RNF180: variants seen among roughly 807,000 people sequenced by gnomAD.
RNF180 encodes E3 ubiquitin-protein ligase RNF180.
RNF180 carries 38 observed loss-of-function variants against 59.2 expected under a neutral mutation model. The ratio of observed to expected loss-of-function variants is 0.64; its 90% CI spans 0.50 to 0.84. The LOEUF (loss-of-function observed/expected upper bound fraction) is 0.84, where lower values mean the gene tolerates loss of function less well. Among genes scored for constraint, RNF180 ranks in the 40% least tolerant of loss-of-function variants. The pLI, the probability that RNF180 is intolerant of heterozygous loss-of-function variation, is 0.00. For synonymous variants in RNF180, 262 were observed against 240.3 expected (o/e 1.09, Z -0.84); for missense variants, 705 against 700.9 (o/e 1.01, Z -0.07).
At chr5:64,246,628 C>T (rs576364099) in intron 5 of RNF180, among the ~76,000 whole-genome samples, 1 of 152,170 alleles carries the variant, frequency 6.6e-6, no homozygotes, top group East Asian at 1.9e-4. Context: ...AATAGCCTAC[C>T]AACCAAAAAA....
In RNF180 at chr5:64,214,231, C is replaced by T; in HGVS notation, c.905C>T (p.Thr302Ile). ...LQRFSVAPHE[T>I]QTQRGGEFQC... ...AGATTTTCAGTGGCCCCCCATGAGACCCAGACACAAAGAGGAGGAGAATTT... is the reference window on the plus strand; with the variant it reads ...AGATTTTCAGTGGCCCCCCATGAGATCCAGACACAAAGAGGAGGAGAATTT... The change falls in exon 4 of 8, where the codon ACC becomes ATC. Residue 302 changes from threonine to isoleucine, a missense_variant. Physicochemically the swap from Thr to Ile is moderately conservative, Grantham distance 89. Transcript: ENST00000389100. 5 of 1,614,008 alleles carry T rather than the reference C, an allele frequency of 3.1e-6. No individual in the cohort carries two copies. The highest frequency in any genetic ancestry group is 1.6e-4 in the Middle Eastern group (1 of 6,062).
At chr5:64,361,884 C>G (rs1235439643) in intron 7 of RNF180, among the ~76,000 whole-genome samples, 6 of 151,008 alleles carry the variant, frequency 4.0e-5, no homozygotes. Flanking sequence ...GTCTCCTGTA[C>G]CATGCATTTT....
chr5:64,195,329 T>G (rs1483822666), intron 1 of RNF180, among the ~76,000 whole-genome samples: 1 of 152,202 alleles, frequency 6.6e-6, no homozygotes, highest in East Asian at 1.9e-4. Context: ...TAGGAAAGTT[T>G]TATATACCAA....
chr5:64,328,480 TTGAAA>T (rs1283121166), intron 6 of RNF180, among the ~76,000 whole-genome samples: 2 of 152,184 alleles, frequency 1.3e-5, no homozygotes, highest in Non-Finnish European at 2.9e-5. Flanking sequence ...AATATCTAAC[TTGAAA>T]TGATTAACTT....
chr5:64,192,903 G>GTGTATATATATATATATATATATA (rs1486448173), intron 1 of RNF180, among the ~76,000 whole-genome samples: 3 of 93,886 alleles, frequency 3.2e-5, no homozygotes, highest in African/African-American at 1.2e-4. Context: ...AGTGTGGCAT[G>GTGTATATATATATATATATATATA]TATATATATA....
intron 5 of RNF180, among the ~76,000 whole-genome samples, chr5:64,324,279 G>A (rs1244958557): frequency 1.3e-5 from 2 of 152,140 alleles, no homozygotes; most frequent in Non-Finnish European, 2.9e-5. Flanking sequence ...AGGCCTGGAT[G>A]GGACACCATC....
In RNF180 at chr5:64,212,129, T is replaced by C; in HGVS notation, c.200T>C (p.Leu67Pro). The C allele has an allele frequency of 6.2e-7, 1 of 1,604,040 alleles. No individual in the cohort carries two copies. The highest frequency in any genetic ancestry group is 1.1e-5 in the South Asian group (1 of 90,876). ...CHVWHMNVEA[L>P]PEWISCLIQK... ...GTGTGGCACATGAATGTAGAAGCCC[T>C]TCCAGAATGGATAAGCTGCCTAATC... The change falls in exon 3 of 8, where the codon CTT becomes CCT. Residue 67 changes from leucine to proline, a missense_variant. Transcript: ENST00000389100.
At chr5:64,172,019 T>C (rs1199235521) in intron 1 of RNF180, among the ~76,000 whole-genome samples, 1 of 152,234 alleles carries the variant, frequency 6.6e-6, no homozygotes, top group African/African-American at 2.4e-5. Flanking sequence ...CAGTTCTCTT[T>C]GTTTGAGCTT....
intron 5 of RNF180, among the ~76,000 whole-genome samples, chr5:64,274,676 G>A (rs1466033012): frequency 6.6e-6 from 1 of 151,898 alleles, no homozygotes; most frequent in East Asian, 1.9e-4. Context: ...CACAAATCGT[G>A]CAGATTTGGA....
chr5:64,249,530 C>T (rs1444979134), intron 5 of RNF180, among the ~76,000 whole-genome samples: 1 of 151,240 alleles, frequency 6.6e-6, no homozygotes, highest in Non-Finnish European at 1.5e-5. Context: ...GAATTACCAT[C>T]AAATCTGCCT....
At chr5:64,174,715 A>T (rs1750133581) in intron 1 of RNF180, among the ~76,000 whole-genome samples, 1 of 152,114 alleles carries the variant, frequency 6.6e-6, no homozygotes, top group African/African-American at 2.4e-5. Context: ...ACTCAGATGC[A>T]TAGTTTGCGA....
intron 5 of RNF180, among the ~76,000 whole-genome samples, chr5:64,268,374 T>C (rs1321702876): frequency 6.6e-6 from 1 of 152,074 alleles, no homozygotes; most frequent in Non-Finnish European, 1.5e-5. Context: ...TCTTTTCTCC[T>C]TTTTTTAGTG....
chr5:64,172,725 C>T (rs1750007442), intron 1 of RNF180, among the ~76,000 whole-genome samples: 2 of 152,122 alleles, frequency 1.3e-5, no homozygotes, highest in South Asian at 2.1e-4. Flanking sequence ...AGAGGTCCTC[C>T]GTGTATTGCA....
At chr5:64,166,412 G>A (rs972686724) in intron 1 of RNF180, among the ~76,000 whole-genome samples, 15 of 152,208 alleles carry the variant, frequency 9.9e-5, no homozygotes, top group Non-Finnish European at 1.9e-4. Flanking sequence ...CCTCTGCACG[G>A]TTCCACTTTC....
chr5:64,278,086 G>T (rs1159761015), intron 5 of RNF180, among the ~76,000 whole-genome samples: 1 of 152,124 alleles, frequency 6.6e-6, no homozygotes, highest in Non-Finnish European at 1.5e-5. Flanking sequence ...GAAAATAAAT[G>T]TCTAATTTAG....
At chr5:64,215,145 G>A (rs1024263304) in intron 4 of RNF180, among the ~76,000 whole-genome samples, 2 of 152,102 alleles carry the variant, frequency 1.3e-5, no homozygotes, top group South Asian at 2.1e-4. Flanking sequence ...TAGGATGTGC[G>A]AAGGAACTGA....
chr5:64,329,457 CTTTTTTTTTT>C (rs558648872), intron 6 of RNF180, among the ~76,000 whole-genome samples: 2 of 135,664 alleles, frequency 1.5e-5, no homozygotes, highest in South Asian at 2.4e-4. Context: ...CTTTTTTTTT[CTTTTTTTTTT>C]TTTTTCCCAA....
intron 2 of RNF180, among the ~76,000 whole-genome samples, chr5:64,211,406 C>G (rs1365573731): frequency 6.6e-6 from 1 of 152,040 alleles, no homozygotes; most frequent in Non-Finnish European, 1.5e-5. Context: ...TCTTCCTTGG[C>G]TAATTTATAA....
intron 1 of RNF180, among the ~76,000 whole-genome samples, chr5:64,196,722 T>C (rs1407566622): frequency 4.6e-5 from 7 of 152,130 alleles, no homozygotes; most frequent in Non-Finnish European, 7.4e-5. Flanking sequence ...CCTTGTCTAG[T>C]TTTATATTTC....
Sources: gnomAD v4.1 joint callset for allele counts (sites outside exome capture counted in the v4.1 genomes callset) on GRCh38, gnomAD v4.1.1 for gene constraint, MANE v1.5 for transcripts, NCBI Gene and HGNC (gene_info 2026-07-23, HGNC 2026-07-21) for gene names.